The following TIAM1 variants were observed in gnomAD, a reference collection of about 807,000 sequenced individuals.
TIAM1 encodes the protein TIAM Rac1 associated GEF 1, also known as rho guanine nucleotide exchange factor TIAM1.
A neutral mutation model predicts 163.5 loss-of-function variants in TIAM1; 65 were observed. That is an observed-to-expected ratio of 0.40 (90% CI 0.33 to 0.49). TIAM1 has a LOEUF of 0.49. Among genes scored for constraint, TIAM1 ranks in the 20% least tolerant of loss-of-function variants. TIAM1 has a pLI of 0.77. For synonymous variants in TIAM1, 833 were observed against 810.1 expected (o/e 1.03, Z -0.48); for missense variants, 1,789 against 2,044.7 (o/e 0.87, Z 2.41).
intron 1 of TIAM1, among the ~76,000 whole-genome samples, chr21:31,510,303 G>A (rs780282679): frequency 1.3e-5 from 2 of 152,114 alleles, no homozygotes; most frequent in African/African-American, 2.4e-5. Context: ...TCCTCTGTGC[G>A]TGCACATCCC....
chr21:31,387,734 C>T (rs886897145), intron 2 of TIAM1, among the ~76,000 whole-genome samples: 4 of 152,114 alleles, frequency 2.6e-5, no homozygotes, highest in Non-Finnish European at 4.4e-5. Flanking sequence ...TGCCAGGTGG[C>T]CGTGCATAGT....
chr21:31,379,232 A>G (rs1338139086), intron 2 of TIAM1, among the ~76,000 whole-genome samples: 1 of 152,222 alleles, frequency 6.6e-6, no homozygotes, highest in East Asian at 1.9e-4. Flanking sequence ...TCAGCCTCCC[A>G]AAGTGCTGAT....
intron 1 of TIAM1, among the ~76,000 whole-genome samples, chr21:31,466,339 GGC>G (rs1569356038): frequency 2.6e-5 from 4 of 152,180 alleles, no homozygotes; most frequent in African/African-American, 9.7e-5. Flanking sequence ...TCCTGCTGAA[GGC>G]AGGTTGACTT....
intron 2 of TIAM1, among the ~76,000 whole-genome samples, chr21:31,435,186 C>A (rs1240630849): frequency 6.6e-6 from 1 of 152,156 alleles, no homozygotes; most frequent in African/African-American, 2.4e-5. Context: ...ACATTGCACA[C>A]CAGCAGTCTC....
At chr21:31,146,444 C>T (rs2083118300) in intron 20 of TIAM1, among the ~76,000 whole-genome samples, 1 of 146,946 alleles carries the variant, frequency 6.8e-6, no homozygotes, top group East Asian at 2.0e-4. Context: ...GGAGCAGTGG[C>T]TCACGCCTGT....
chr21:31,372,036 G>A (rs1022356858), intron 2 of TIAM1, among the ~76,000 whole-genome samples: 3 of 152,138 alleles, frequency 2.0e-5, no homozygotes, highest in Non-Finnish European at 2.9e-5. Flanking sequence ...AGAAATTAAA[G>A]CAACCCTGAG....
chr21:31,371,000 CA>C (rs2147154983), intron 2 of TIAM1, among the ~76,000 whole-genome samples: 1 of 152,264 alleles, frequency 6.6e-6, no homozygotes, highest in African/African-American at 2.4e-5. Context: ...CTTTTCAGAG[CA>C]GCAACTCAGT....
intron 2 of TIAM1, among the ~76,000 whole-genome samples, chr21:31,385,192 G>C (rs1301157678): frequency 1.3e-5 from 2 of 152,212 alleles, no homozygotes; most frequent in Non-Finnish European, 2.9e-5. Flanking sequence ...CTCACAAGCA[G>C]CTGGGATTAC....
chr21:31,516,786 T>G (rs889021031), intron 1 of TIAM1, among the ~76,000 whole-genome samples: 1 of 151,702 alleles, frequency 6.6e-6, no homozygotes, highest in South Asian at 2.1e-4. Flanking sequence ...CTGGGCTCGG[T>G]GGCTCACACC....
chr21:31,240,400 T>C (rs1433155196), intron 6 of TIAM1, among the ~76,000 whole-genome samples: 1 of 152,212 alleles, frequency 6.6e-6, no homozygotes, highest in East Asian at 1.9e-4. Context: ...ACAGCAAGTT[T>C]TGTGATATTT....
intron 1 of TIAM1, among the ~76,000 whole-genome samples, chr21:31,473,429 CAAAAAAAAA>C (rs56691495): frequency 4.0e-4 from 30 of 75,714 alleles, no homozygotes; most frequent in African/African-American, 1.1e-3. Context: ...GACTCCATCT[CAAAAAAAAA>C]AAAAAAAAAA....
chr21:31,363,521 A>G (rs572682864), intron 2 of TIAM1, among the ~76,000 whole-genome samples: 4 of 152,094 alleles, frequency 2.6e-5, no homozygotes, highest in Non-Finnish European at 5.9e-5. Flanking sequence ...CATACCACAT[A>G]TTTGTGCAAA....
rs547081471 is a variant in TIAM1 at position 31,551,146 on chromosome 21, A to G, written c.-422+7781T>C. Reference sequence around the variant, plus strand: ...AGAGAATCGCTTGAACCTGGGAGGCAGAGGTTGCAGTGAGCCAAGATCATG... The same window carrying G: ...AGAGAATCGCTTGAACCTGGGAGGCGGAGGTTGCAGTGAGCCAAGATCATG... On this transcript the variant is annotated intron_variant, in intron 1 of 28. Coordinates refer to the TIAM1 transcript ENST00000286827. Among the ~76,000 whole-genome samples the G allele has an allele frequency of 2.0e-5, 3 of 152,156 alleles. No individual in the cohort carries two copies. In the South Asian group the frequency reaches 6.2e-4, roughly 32 times the overall value.
intron 2 of TIAM1, among the ~76,000 whole-genome samples, chr21:31,391,664 A>T (rs1206024282): frequency 6.6e-6 from 1 of 152,208 alleles, no homozygotes; most frequent in Non-Finnish European, 1.5e-5. Flanking sequence ...CTATTTGTCA[A>T]GGTGGGAGAA....
chr21:31,505,157 T>C (rs2046983345), intron 1 of TIAM1, among the ~76,000 whole-genome samples: 1 of 152,166 alleles, frequency 6.6e-6, no homozygotes, highest in African/African-American at 2.4e-5. Context: ...CAGCCACTGA[T>C]TGGCCGGGCG....
chr21:31,460,291 GCAGGTAGCAAAACCC>G (rs2147347148), intron 2 of TIAM1, among the ~76,000 whole-genome samples: 1 of 152,256 alleles, frequency 6.6e-6, no homozygotes, highest in East Asian at 1.9e-4. Context: ...ACACATAAAG[GCAGGTAGCAAAACCC>G]CACAATCTGT....
chr21:31,179,153 G>A (rs995500397), intron 15 of TIAM1, among the ~76,000 whole-genome samples: 6 of 151,680 alleles, frequency 4.0e-5, no homozygotes, highest in South Asian at 2.1e-4. Flanking sequence ...TTGGGAGGCC[G>A]AGGCGGGCAG....
At chr21:31,540,644 A>C (rs2833441) in intron 1 of TIAM1, among the ~76,000 whole-genome samples, 25,507 of 152,216 alleles carry the variant, frequency 0.17, 2,435 homozygotes, top group Non-Finnish European at 0.21. Flanking sequence ...CAAAGACTCA[A>C]GACACTGGAA....
chr21:31,384,582 CAAAA>C (rs1406850912), intron 2 of TIAM1, among the ~76,000 whole-genome samples: 2 of 151,958 alleles, frequency 1.3e-5, no homozygotes, highest in African/African-American at 4.8e-5. Flanking sequence ...CTCTAAAAAA[CAAAA>C]GAAAGAAAGC....
Sources: gnomAD v4.1 joint callset for allele counts (sites outside exome capture counted in the v4.1 genomes callset) on GRCh38, gnomAD v4.1.1 for gene constraint, MANE v1.5 for transcripts, NCBI Gene and HGNC (gene_info 2026-07-23, HGNC 2026-07-21) for gene names.